Variants in MAF observed in about 807,000 individuals in gnomAD.
The protein encoded by MAF is MAF bZIP transcription factor.
A neutral mutation model predicts 22.0 loss-of-function variants in MAF; 10 were observed. The ratio of observed to expected loss-of-function variants is 0.45; its 90% CI spans 0.28 to 0.77. The LOEUF is 0.77. Among genes scored for constraint, MAF ranks in the 30% least tolerant of loss-of-function variants. MAF has a pLI of 0.12. For missense variants in MAF, 544 were observed against 548.4 expected (o/e 0.99, Z 0.08); for synonymous variants, 337 against 255.8 (o/e 1.32, Z -3.03).
chr16:79,498,988 G>T, the MAF span, among the ~76,000 whole-genome samples: 1 of 152,152 alleles, frequency 6.6e-6, no homozygotes, highest in Non-Finnish European at 1.5e-5. Flanking sequence ...TCTCCATCTG[G>T]ATTTTTTAAG....
At chr16:79,472,530 T>C in the MAF span, among the ~76,000 whole-genome samples, 1 of 151,936 alleles carries the variant, frequency 6.6e-6, no homozygotes, top group African/African-American at 2.4e-5. Flanking sequence ...AAGAGCAATG[T>C]TGTATGATTC....
chr16:79,257,976 C>T, the MAF span, among the ~76,000 whole-genome samples: 1 of 152,176 alleles, frequency 6.6e-6, no homozygotes, highest in Admixed American at 6.5e-5. Flanking sequence ...TAAAAACTAA[C>T]TCAATGAGCA....
At chr16:79,342,845 G>A in the MAF span, among the ~76,000 whole-genome samples, 3 of 152,280 alleles carry the variant, frequency 2.0e-5, no homozygotes, top group Admixed American at 2.0e-4. Flanking sequence ...ATGCATAGCA[G>A]AACCAGAATT....
At chr16:79,477,723 T>A in the MAF span, among the ~76,000 whole-genome samples, 1 of 152,174 alleles carries the variant, frequency 6.6e-6, no homozygotes, top group Non-Finnish European at 1.5e-5. Flanking sequence ...AAGTGACATT[T>A]TTTTTTTAAA....
the MAF span, among the ~76,000 whole-genome samples, chr16:79,507,513 C>A: frequency 6.6e-6 from 1 of 151,576 alleles, no homozygotes; most frequent in East Asian, 1.9e-4. Context: ...CAAGCCCTGC[C>A]TCCTGGGTTC....
the MAF span, among the ~76,000 whole-genome samples, chr16:79,329,355 T>A: frequency 2.0e-4 from 30 of 152,270 alleles, 1 homozygote; most frequent in African/African-American, 7.2e-4. Flanking sequence ...TTTGCATCAG[T>A]CTTTGCTTCC....
At chr16:79,210,334 C>T in the MAF span, among the ~76,000 whole-genome samples, 1 of 152,176 alleles carries the variant, frequency 6.6e-6, no homozygotes, top group African/African-American at 2.4e-5. Context: ...ATGGACCTGA[C>T]TCTCCCAGGG....
the MAF span, among the ~76,000 whole-genome samples, chr16:79,578,351 G>A: frequency 6.6e-6 from 1 of 152,030 alleles, no homozygotes; most frequent in East Asian, 1.9e-4. Flanking sequence ...GCTTTCTTCA[G>A]TATTAATGAA....
At chr16:79,468,245 G>A in the MAF span, among the ~76,000 whole-genome samples, 5 of 152,300 alleles carry the variant, frequency 3.3e-5, no homozygotes, top group African/African-American at 1.2e-4. Flanking sequence ...CACCCACGGA[G>A]TCCCCAGCAG....
chr16:79,217,980 C>T, the MAF span, among the ~76,000 whole-genome samples: 1 of 81,454 alleles, frequency 1.2e-5, no homozygotes, highest in Non-Finnish European at 2.1e-5. Flanking sequence ...TTTTTAGAAG[C>T]TTATGTAAAA....
chr16:79,478,719 C>G, the MAF span, among the ~76,000 whole-genome samples: 1 of 152,122 alleles, frequency 6.6e-6, no homozygotes, highest in Non-Finnish European at 1.5e-5. Flanking sequence ...TCTAGTGCAC[C>G]AGTGCATCAT....
the MAF span, among the ~76,000 whole-genome samples, chr16:79,475,055 C>T: frequency 3.9e-5 from 6 of 152,204 alleles, no homozygotes; most frequent in Non-Finnish European, 8.8e-5. Flanking sequence ...ATGGCCTTGG[C>T]CTCACCAGGC....
At chr16:79,552,135 A>G in the MAF span, among the ~76,000 whole-genome samples, 1 of 151,986 alleles carries the variant, frequency 6.6e-6, no homozygotes, top group African/African-American at 2.4e-5. Context: ...CCCTTCTCTC[A>G]GGACAACGGG....
At chr16:79,340,810 C>G in the MAF span, among the ~76,000 whole-genome samples, 1 of 152,114 alleles carries the variant, frequency 6.6e-6, no homozygotes, top group Non-Finnish European at 1.5e-5. Context: ...TAGATGTCCC[C>G]TGGGAAGCAA....
At chr16:79,549,252 G>C in the MAF span, among the ~76,000 whole-genome samples, 36 of 152,152 alleles carry the variant, frequency 2.4e-4, no homozygotes, top group Non-Finnish European at 4.1e-4. Context: ...GCAGAGTGCT[G>C]AGTGATACAT....
the MAF span, among the ~76,000 whole-genome samples, chr16:79,563,433 C>T: frequency 6.6e-6 from 1 of 151,916 alleles, no homozygotes; most frequent in African/African-American, 2.4e-5. Context: ...TGGTCAAACT[C>T]CATTTCACTT....
At chr16:79,510,910 G>C in the MAF span, among the ~76,000 whole-genome samples, 1 of 152,172 alleles carries the variant, frequency 6.6e-6, no homozygotes, top group Non-Finnish European at 1.5e-5. Context: ...GGATTCTTTT[G>C]AATTTTAAGT....
chr16:79,452,070 T>G, the MAF span, among the ~76,000 whole-genome samples: 6 of 152,306 alleles, frequency 3.9e-5, no homozygotes, highest in Admixed American at 3.9e-4. Context: ...CACATTCATT[T>G]GTTTACATAT....
the MAF span, among the ~76,000 whole-genome samples, chr16:79,427,280 G>A: frequency 3.3e-5 from 5 of 152,196 alleles, no homozygotes; most frequent in Admixed American, 6.5e-5. Context: ...GCCTGGTTCA[G>A]ATCGCTTAGG....
Sources: gnomAD v4.1 joint callset for allele counts (sites outside exome capture counted in the v4.1 genomes callset) on GRCh38, gnomAD v4.1.1 for gene constraint, MANE v1.5 for transcripts, NCBI Gene and HGNC (gene_info 2026-07-23, HGNC 2026-07-21) for gene names.